MYO1F: variants seen among roughly 807,000 people sequenced by gnomAD.
MYO1F encodes the protein myosin IF.
A neutral mutation model predicts 146.6 loss-of-function variants in MYO1F; 60 were observed. The observed-to-expected ratio is 0.41, with a 90% CI of 0.33 to 0.51. The LOEUF is 0.51. Ranked by LOEUF, MYO1F falls within the 20% of genes least tolerant of loss-of-function variation. The probability of loss-of-function intolerance (pLI) is 0.25; values close to 1 mark genes in which losing one functional copy is unlikely to be tolerated. For synonymous variants in MYO1F, 602 were observed against 602.1 expected (o/e 1.00, Z 0.00); for missense variants, 1,274 against 1,534.3 (o/e 0.83, Z 2.83).
chr19:8,574,948 GT>G (rs1456784499), intron 1 of MYO1F, among the ~76,000 whole-genome samples: 1 of 151,244 alleles, frequency 6.6e-6, no homozygotes, highest in Non-Finnish European at 1.5e-5. Context: ...TAGAGACAGG[GT>G]TTTGCCATGT....
intron 1 of MYO1F, among the ~76,000 whole-genome samples, chr19:8,562,052 T>A (rs1974159408): frequency 6.6e-6 from 1 of 151,852 alleles, no homozygotes; most frequent in African/African-American, 2.4e-5. Context: ...TTGTTTTTTT[T>A]GAGATGGAGT....
At chr19:8,574,682 TCTTC>T (rs2042199888) in intron 1 of MYO1F, among the ~76,000 whole-genome samples, 1 of 130,906 alleles carries the variant, frequency 7.6e-6, no homozygotes, top group African/African-American at 2.7e-5. Context: ...TTTCTTTCTT[TCTTC>T]CTTTCTCTTT....
rs1240184687 is a variant in MYO1F at position 8,551,874 on chromosome 19, G to A, written c.637C>T (p.Leu213=). 1.5e-5 allele frequency: 24 copies of A among 1,614,116 alleles called. No homozygotes were observed. In the East Asian group the frequency reaches 5.3e-4, roughly 36 times the overall value. Residue 213 remains leucine, a splice_region_variant and synonymous_variant, in exon 8 of 28, where the codon CTG becomes TTG. Transcript: ENST00000644032. ...NERNFHIYYQ[L]LEGASQEQRQ... ...TGCTCCTGGGAGGCCCCTTCCAGCA[G>A]CTGGAGGGTGTGCCATGTTCATGCA...
intron 22 of MYO1F, among the ~76,000 whole-genome samples, 162 bp downstream of exon 22, chr19:8,527,176 T>A (rs1972306630): frequency 6.6e-6 from 1 of 151,672 alleles, no homozygotes; most frequent in Admixed American, 6.6e-5. Context: ...CATCTAAGGA[T>A]CATGAGCATA....
rs886749061 is a variant in MYO1F at position 8,555,376 on chromosome 19, CAAAAAAAAAAAAAAAAAA to C, written c.141+265_141+282del. On this transcript the variant is annotated intron_variant, in intron 2 of 27. Transcript: ENST00000644032. ...TGGGCGACAGAGCAAGACTCCGTCTCAAAAAAAAAAAAAAAAAAAAAAAAAAAAAAGAACAAACAGGGT... is the reference window on the plus strand; with the variant it reads ...TGGGCGACAGAGCAAGACTCCGTCTCAAAAAAAAAAAAGAACAAACAGGGT... The C allele has an allele frequency of 1.8e-4, 18 of 100,290 alleles. 1 individual carries two copies. The highest frequency in any genetic ancestry group is 6.6e-4 in the South Asian group (10 of 15,266). 6.2% of individuals were successfully genotyped at this position (100,290 alleles called of 1,614,324 possible).
intron 15 of MYO1F, 107 bp downstream of exon 15, chr19:8,541,799 A>G: frequency 9.8e-7 from 1 of 1,025,262 alleles, no homozygotes; most frequent in Non-Finnish European, 1.5e-6. Flanking sequence ...ACTCCCCTCG[A>G]GTTTGTGGCG....
chr19:8,545,417 G>A (rs185757013), intron 13 of MYO1F: 50 of 534,468 alleles, frequency 9.4e-5, no homozygotes, highest in African/African-American at 9.1e-4. Flanking sequence ...CTGTGAGCTG[G>A]GGTTCCCGGG....
rs763614793 is a variant in MYO1F, at chr19:8,550,296, G to A, written c.965C>T (p.Thr322Ile). 1.2e-6 allele frequency: 2 copies of A among 1,614,094 alleles called. No individual in the cohort carries two copies. Among genetic ancestry groups the A allele is most frequent in the South Asian group, 2.2e-5 (2 of 91,080 alleles). The change falls in exon 10 of 28, where the codon ACC (threonine) becomes ATC (isoleucine). Residue 322 changes from threonine to isoleucine, a missense_variant. By Grantham distance (89) the Thr-to-Ile change is moderately conservative (BLOSUM62 -1). Transcript: ENST00000644032. ...IDSGRLQEKL[T>I]SRKMDSRWGG... ...CCAGCGGCTGTCCATCTTGCGGCTG[G>A]TCAGCTTCTCCTGCAGTCGCCCGCT...
At chr19:8,565,636 T>A (rs1352093791) in intron 1 of MYO1F, among the ~76,000 whole-genome samples, 1 of 151,466 alleles carries the variant, frequency 6.6e-6, no homozygotes, top group East Asian at 1.9e-4. Flanking sequence ...GGGTCGTGAG[T>A]GGTGAGGGTC....
At chr19:8,555,835 G>C (rs774970775) in intron 1 of MYO1F, 39 bp from the exon 2 acceptor site, 1 of 1,587,770 alleles carries the variant, frequency 6.3e-7, no homozygotes, top group Non-Finnish European at 8.6e-7. Flanking sequence ...GCCCTTGCAC[G>C]GGGATGCGGC....
At position 8,577,049 on chromosome 19, in the gene MYO1F, C is replaced by T; in HGVS notation, c.3+258G>A. On this transcript the variant is annotated intron_variant, in intron 1 of 27. Transcript: ENST00000644032. The surrounding 1 kb of genome is among the most constrained non-coding windows in gnomAD (Gnocchi z 4.3). ...AGACTCTGTGATTCTCCCTGGGCCA[C>T]CTTCTGTCTTCCAGGTCCTGCCCTA... 1.7e-6 allele frequency: 1 copy of T among 605,818 alleles called. No homozygotes were observed. Among genetic ancestry groups the T allele is most frequent in the Non-Finnish European group, 2.9e-6 (1 of 340,156 alleles). The allele number at this position is 605,818 out of a possible 1,614,324, so 37.5% of individuals were successfully genotyped here. A position where few individuals can be genotyped will look rare whatever the true frequency, so the allele number is the denominator to read the frequency against.
rs754582807 is a variant in MYO1F at position 8,522,386 on chromosome 19, G to C, written c.3211C>G (p.Leu1071Val). Residue 1071 changes from leucine (L) to valine (V), a missense_variant, in exon 27 of 28, where the codon CTC (leucine) becomes GTC (valine). Transcript: ENST00000644032. ...SFNVNEVIEI[L>V]MEDPSGWWKG... The stretch of plus-strand genomic sequence containing the variant: ...GCCCTGGTACACACACCTTCCATGA[G>C]GATCTCAATGACCTCGTTCACGTTG... 2 of 1,614,096 alleles carry C rather than the reference G, an allele frequency of 1.2e-6. No homozygotes were observed. The highest frequency in any genetic ancestry group is 1.7e-6 in the Non-Finnish European group (2 of 1,180,008).
In MYO1F at chr19:8,536,285, C is replaced by G; in HGVS notation, c.2010G>C (p.Gly670=). The G allele has an allele frequency of 6.2e-7, 1 of 1,607,740 alleles. No homozygotes were observed. Among genetic ancestry groups the G allele is most frequent in the East Asian group, 2.2e-5 (1 of 44,830 alleles). The change falls in exon 19 of 28, where the codon GGG becomes GGC. Residue 670 remains glycine, a synonymous_variant. Coordinates refer to ENST00000644032, the MANE Select transcript of MYO1F (RefSeq NM_012335.4). ...VNMEPDQYQM[G]STKVFVKNPE... Reference sequence around the variant, plus strand: ...GGTTCTTGACAAAGACCTTGGTGCTCCCCATCTGGTACTGGTCGGGCTCCA... The same window carrying G: ...GGTTCTTGACAAAGACCTTGGTGCTGCCCATCTGGTACTGGTCGGGCTCCA...
Position 8,526,730 on chromosome 19 carries a change from G to GA in MYO1F, c.2621+58dup. On this transcript the variant is annotated intron_variant, in intron 23 of 27. Coordinates refer to ENST00000644032, the MANE Select transcript of MYO1F (RefSeq NM_012335.4). ...CAGTTCGGCCGGGTCGGTGGGGCGG[G>GA]AGAGGGTGCGCCGCGCCGAGACCAC... 2.6e-6 allele frequency: 4 copies of GA among 1,546,298 alleles called. No homozygotes were observed. The East Asian group carries it at 9.6e-5, about 37-fold the overall frequency.
Position 8,536,397 on chromosome 19 carries a change from C to G in MYO1F, c.1899-1G>C. On this transcript the variant is annotated splice_acceptor_variant, in intron 18 of 27. Transcript: ENST00000644032. LOFTEE classifies it high-confidence loss of function. ...CGTCTCGGGGGTCAGAATGGCATAC[C>G]TGAGGGCGGAGGGCTGGGGTGTGGG... The G allele has an allele frequency of 4.4e-6, 7 of 1,605,988 alleles. No homozygotes were observed. Among genetic ancestry groups the G allele is most frequent in the Non-Finnish European group, 5.9e-6 (7 of 1,179,552 alleles).
chr19:8,552,099 G>C lies in MYO1F; in HGVS notation c.570C>G (p.Phe190Leu). The change falls in exon 7 of 28, where the codon TTC (phenylalanine) becomes TTG (leucine). Residue 190 changes from phenylalanine (F) to leucine (L), a missense_variant. Around this residue, in one of 2 missense-constraint regions of MYO1F, gnomAD observed 900 missense variants for 1,155.1 expected, o/e 0.78. Coordinates refer to ENST00000644032, the MANE Select transcript of MYO1F (RefSeq NM_012335.4). ...GEPDGGKISNFLLEKSRVVMQ... is the reference protein window; with the variant it reads ...GEPDGGKISNLLLEKSRVVMQ... ...TGACCACGCGGGACTTCTCCAGCAA[G>C]AAGTTGGAGATCTTGCCCCCATCTG... 1 of 1,614,070 alleles carries C rather than the reference G, an allele frequency of 6.2e-7. No individual in the cohort carries two copies. Among genetic ancestry groups the C allele is most frequent in the East Asian group, 2.2e-5 (1 of 44,866 alleles).
intron 1 of MYO1F, among the ~76,000 whole-genome samples, chr19:8,567,571 C>T (rs956326329): frequency 1.3e-5 from 2 of 152,202 alleles, no homozygotes; most frequent in Non-Finnish European, 2.9e-5. Flanking sequence ...TGGGCACGCT[C>T]ATCTCGAACT....
At chr19:8,523,093 G>A (rs1303165196) in intron 25 of MYO1F, among the ~76,000 whole-genome samples, 7 of 150,188 alleles carry the variant, frequency 4.7e-5, no homozygotes, top group Non-Finnish European at 8.9e-5. Flanking sequence ...GTGCAGTGGC[G>A]CGATCTCGGC....
rs1555734037 is a variant in MYO1F, at chr19:8,577,310, G to C, written c.-1C>G. ...ATCCCACCCTTGAAGGACTTACCATGGTGGGGGGCTGGTGTCTGGGCTCCT... is the reference window on the plus strand; with the variant it reads ...ATCCCACCCTTGAAGGACTTACCATCGTGGGGGGCTGGTGTCTGGGCTCCT... On this transcript the variant is annotated 5_prime_UTR_variant, in exon 1 of 28. Transcript: ENST00000644032. This position sits in a 1 kb window ranked among gnomAD's most constrained non-coding sequence, Gnocchi z 4.3. 6.2e-7 allele frequency: 1 copy of C among 1,613,840 alleles called. No homozygotes were observed.
Sources: gnomAD v4.1 joint callset for allele counts (sites outside exome capture counted in the v4.1 genomes callset) on GRCh38, gnomAD v4.1.1 for gene constraint, gnomAD v4.1.1 regional missense constraint, Gnocchi (gnomAD v3.1) non-coding constraint, MANE v1.5 for transcripts, NCBI Gene and HGNC (gene_info 2026-07-23, HGNC 2026-07-21) for gene names.